GPRC5B: variants seen among roughly 807,000 people sequenced by gnomAD.
GPRC5B encodes G protein-coupled receptor class C group 5 member B.
In GPRC5B, 16 loss-of-function variants were observed where a neutral mutation model predicts 30.1. The observed-to-expected ratio is 0.53, with a 90% CI of 0.36 to 0.81. The LOEUF (loss-of-function observed/expected upper bound fraction) is 0.81, where lower values mean the gene tolerates loss of function less well. GPRC5B is among the 30% of genes least tolerant of loss of function. The pLI is 0.01. For synonymous variants in GPRC5B, 241 were observed against 239.5 expected, an observed-to-expected ratio of 1.01 and a Z score of -0.06; for missense variants, 428 against 544.7, an observed-to-expected ratio of 0.79 and a Z score of 2.13.
chr16:19,871,199 G>A (rs1288220520), intron 2 of GPRC5B, among the ~76,000 whole-genome samples: 1 of 142,470 alleles, frequency 7.0e-6, no homozygotes, highest in Non-Finnish European at 1.5e-5. Context: ...TGGGAGGATT[G>A]CTTTAGCCAG....
At chr16:19,880,396 C>T (rs983605563) in intron 1 of GPRC5B, among the ~76,000 whole-genome samples, 2 of 130,070 alleles carry the variant, frequency 1.5e-5, no homozygotes, top group African/African-American at 2.9e-5. Flanking sequence ...CAAGACCAGC[C>T]TGGGCAACAT....
chr16:19,884,983 G>A, upstream of GPRC5B: 1 of 677,618 alleles, frequency 1.5e-6, no homozygotes, highest in Non-Finnish European at 1.8e-6. Flanking sequence ...CGGTCCCGCC[G>A]GCGGTTCCGC....
At chr16:19,862,052 G>A (rs573473333) in intron 2 of GPRC5B, 79 bp from the exon 3 acceptor site, 66 of 1,363,662 alleles carry the variant, frequency 4.8e-5, no homozygotes, top group South Asian at 4.0e-4. Context: ...CAACAACAGC[G>A]CGCTCCGGGC....
intron 1 of GPRC5B, among the ~76,000 whole-genome samples, chr16:19,884,085 C>G (rs1352972901): frequency 6.8e-6 from 1 of 147,384 alleles, no homozygotes; most frequent in Non-Finnish European, 1.5e-5. Context: ...ACGCCACTGC[C>G]CCCCCCGCCA....
At chr16:19,884,985 C>T (rs1318893210), upstream of GPRC5B, 1 of 643,408 alleles carries the variant, frequency 1.6e-6, no homozygotes, top group Non-Finnish European at 1.9e-6. Context: ...GTCCCGCCGG[C>T]GGTTCCGCGC....
rs371286360 is a variant in GPRC5B, at chr16:19,871,892, C to T, written c.954G>A (p.Thr318=). 43 of 1,614,060 alleles carry T rather than the reference C, an allele frequency of 2.7e-5. No homozygotes were observed. The highest frequency in any genetic ancestry group is 5.0e-5 in the Admixed American group (3 of 60,026). The change falls in exon 2 of 4, where the codon ACG becomes ACA. Residue 318 remains threonine (T), a synonymous_variant. Transcript: ENST00000300571. The part of the protein sequence containing the change: ...FDTSQPRMRE[T]AFEEDVQLPR... ...GCAGCTGCACGTCCTCCTCGAAGGC[C>T]GTCTCCCGCATCCTGGGCTGCGACG...
At chr16:19,860,567 C>T (rs1212300799) in intron 3 of GPRC5B, 23 bp from the exon 4 acceptor site, 1 of 1,541,852 alleles carries the variant, frequency 6.5e-7, no homozygotes. Flanking sequence ...ATAAGGATAA[C>T]ACACTGAGAA....
Position 19,856,882 on chromosome 16 carries a change from A to C in GPRC5B, c.*3618T>G. The C allele has an allele frequency of 4.5e-6, 1 of 223,478 alleles. No individual in the cohort carries two copies. Among genetic ancestry groups the C allele is most frequent in the South Asian group, 1.1e-4 (1 of 9,124 alleles). The allele number at this position is 223,478 out of a possible 1,614,324, so 13.8% of individuals were successfully genotyped here. On this transcript the variant is annotated 3_prime_UTR_variant, in exon 4 of 4. Transcript: ENST00000300571. Reference sequence around the variant, plus strand: ...CAAGGAATACAGAAGTGCTCTTATTACCAGTTTTCCCACTTGTGGCCGCCT... The same window carrying C: ...CAAGGAATACAGAAGTGCTCTTATTCCCAGTTTTCCCACTTGTGGCCGCCT...
intron 2 of GPRC5B, among the ~76,000 whole-genome samples, chr16:19,871,375 A>C (rs1055288184): frequency 1.3e-5 from 2 of 151,670 alleles, no homozygotes; most frequent in Admixed American, 6.6e-5. Context: ...TAATCCCAGC[A>C]CTTTGGGAGG....
chr16:19,866,049 T>C (rs932257510), intron 2 of GPRC5B, among the ~76,000 whole-genome samples: 8 of 152,006 alleles, frequency 5.3e-5, no homozygotes, highest in Non-Finnish European at 1.0e-4. Context: ...GCCTCAGCCT[T>C]CCGAGAAGCT....
At chr16:19,867,529 G>A (rs1201497906) in intron 2 of GPRC5B, among the ~76,000 whole-genome samples, 1 of 152,204 alleles carries the variant, frequency 6.6e-6, no homozygotes, top group African/African-American at 2.4e-5. Flanking sequence ...CTCTGGCATC[G>A]TGGTTTTACT....
At chr16:19,870,334 T>G (rs572322730) in intron 2 of GPRC5B, among the ~76,000 whole-genome samples, 1 of 152,220 alleles carries the variant, frequency 6.6e-6, no homozygotes, top group Non-Finnish European at 1.5e-5. Flanking sequence ...CCACCTGCAC[T>G]GGAGCCCTTG....
chr16:19,863,848 G>T (rs2056646283), intron 2 of GPRC5B, among the ~76,000 whole-genome samples: 1 of 152,074 alleles, frequency 6.6e-6, no homozygotes, highest in Admixed American at 6.6e-5. Context: ...AATTGTGGAT[G>T]TGAGGGATCT....
At chr16:19,863,056 C>T (rs1227922580) in intron 2 of GPRC5B, among the ~76,000 whole-genome samples, 1 of 152,182 alleles carries the variant, frequency 6.6e-6, no homozygotes, top group African/African-American at 2.4e-5. Context: ...TCACAGAGCG[C>T]CAACCAGGAG....
intron 1 of GPRC5B, among the ~76,000 whole-genome samples, chr16:19,874,137 C>T (rs528130133): frequency 6.6e-6 from 1 of 152,172 alleles, no homozygotes; most frequent in Non-Finnish European, 1.5e-5. Flanking sequence ...CTCCCACGCT[C>T]GCTCTCTAGA....
chr16:19,872,630 G>C lies in GPRC5B; in HGVS notation c.216C>G (p.Leu72=). 6.2e-7 allele frequency: 1 copy of C among 1,614,026 alleles called. No individual in the cohort carries two copies. Among genetic ancestry groups the C allele is most frequent in the Non-Finnish European group, 8.5e-7 (1 of 1,179,888 alleles). Residue 72 remains leucine (L), a synonymous_variant, in exon 2 of 4, where the codon CTC becomes CTG. Coordinates refer to ENST00000300571, the MANE Select transcript of GPRC5B (RefSeq NM_016235.3). The surrounding 1 kb of genome is among the most constrained non-coding windows in gnomAD (Gnocchi z 5.0). ...VAGAGALITL[L]LMLILLVRLP... ...GCCGCACCAGGAGGATGAGCATCAGGAGCAGTGTGATCAGGGCGCCCGCCC... is the reference window on the plus strand; with the variant it reads ...GCCGCACCAGGAGGATGAGCATCAGCAGCAGTGTGATCAGGGCGCCCGCCC...
At position 19,872,911 on chromosome 16, in the gene GPRC5B, T is replaced by C; in HGVS notation, c.-1-65A>G. 1 of 1,160,576 alleles carries C rather than the reference T, an allele frequency of 8.6e-7. No individual in the cohort carries two copies. 71.9% of individuals were successfully genotyped at this position (1,160,576 alleles called of 1,614,324 possible). A position where few individuals can be genotyped will look rare whatever the true frequency, so the allele number is the denominator to read the frequency against. On this transcript the variant is annotated intron_variant, in intron 1 of 3. Coordinates refer to ENST00000300571, the MANE Select transcript of GPRC5B (RefSeq NM_016235.3). This position sits in a 1 kb window ranked among gnomAD's most constrained non-coding sequence, Gnocchi z 5.0. The stretch of plus-strand genomic sequence containing the variant: ...GATGAATTCATTGGAAGACTCCCCC[T>C]CTCCTGACTTCTTGAAGAAGACTCG...
chr16:19,858,339 C>A lies in GPRC5B; in HGVS notation c.*2161G>T, dbSNP rs1236147469. The A allele has an allele frequency of 2.2e-6, 1 of 449,404 alleles. No individual in the cohort carries two copies. Among genetic ancestry groups the A allele is most frequent in the African/African-American group, 2.0e-5 (1 of 49,684 alleles). 27.8% of individuals were successfully genotyped at this position (449,404 alleles called of 1,614,324 possible). On this transcript the variant is annotated 3_prime_UTR_variant, in exon 4 of 4. Coordinates refer to ENST00000300571, the MANE Select transcript of GPRC5B (RefSeq NM_016235.3). ...GATTTAAAAGGGGGGAAAAAGGTCT[C>A]ATTAAATGAGGCTTCCCATGGCTCA...
intron 1 of GPRC5B, among the ~76,000 whole-genome samples, chr16:19,875,814 C>T (rs543857898): frequency 2.4e-4 from 36 of 152,198 alleles, no homozygotes; most frequent in African/African-American, 7.2e-4. Context: ...TAAAATCGCT[C>T]GTTGATGTAA....
Sources: allele counts gnomAD v4.1 joint callset (sites outside exome capture counted in the v4.1 genomes callset), GRCh38; gene constraint gnomAD v4.1.1; non-coding constraint Gnocchi (gnomAD v3.1); transcripts MANE v1.5; gene names NCBI Gene and HGNC (gene_info 2026-07-23, HGNC 2026-07-21).